NUP35: variants seen among roughly 807,000 people sequenced by gnomAD.
The protein encoded by NUP35 is nucleoporin 35.
Under a neutral mutation model 41.5 loss-of-function variants are expected in NUP35, and 25 were observed. That is an observed-to-expected ratio of 0.60 (90% CI 0.44 to 0.84). NUP35 has a LOEUF of 0.84. Among genes scored for constraint, NUP35 ranks in the 40% least tolerant of loss-of-function variants. The pLI, the probability that NUP35 is intolerant of heterozygous loss-of-function variation, is 0.00. For missense variants in NUP35, 396 were observed against 396.6 expected (o/e 1.00, Z 0.01); for synonymous variants, 149 against 130.7 (o/e 1.14, Z -0.96).
At chr2:183,124,396 G>C (rs1700115744), upstream of NUP35, 3 of 1,613,608 alleles carry the variant, frequency 1.9e-6, no homozygotes. Context: ...CGTGGGGAGC[G>C]TTTCCGCCAT....
At chr2:183,131,236 G>A (rs2105549855) in intron 3 of NUP35, 1 of 156,922 alleles carries the variant, frequency 6.4e-6, no homozygotes, top group African/African-American at 2.4e-5. Flanking sequence ...GTGAGCCACT[G>A]TGCCTGGCCG....
rs374648438 is a variant in NUP35 at position 183,128,330 on chromosome 2, A to G, written c.84A>G (p.Pro28=). The stretch of plus-strand genomic sequence containing the variant: ...TGGGTTCACCCACATCTCCAAAGCC[A>G]GGAGTTAATGCCCAGTTCTTACCTG... The part of the protein sequence containing the change: ...MMLGSPTSPK[P]GVNAQFLPGF... Residue 28 remains proline (P), a synonymous_variant, in exon 2 of 9, where the codon CCA becomes CCG. Transcript: ENST00000295119. 2.3e-5 allele frequency: 37 copies of G among 1,613,818 alleles called. No individual in the cohort carries two copies. The African/African-American group carries it at 4.8e-4, about 21-fold the overall frequency.
At chr2:183,155,200 A>C (rs1160560049) in intron 5 of NUP35, among the ~76,000 whole-genome samples, 1 of 152,234 alleles carries the variant, frequency 6.6e-6, no homozygotes, top group Non-Finnish European at 1.5e-5. Flanking sequence ...TTTGGGATTA[A>C]AAAACATAAA....
intron 1 of NUP35, among the ~76,000 whole-genome samples, chr2:183,119,437 C>A (rs985446039): frequency 6.6e-6 from 1 of 151,932 alleles, no homozygotes; most frequent in Non-Finnish European, 1.5e-5. Context: ...AGAGATAAGA[C>A]GAATCAGAGT....
chr2:183,134,546 G>A (rs75496122), intron 4 of NUP35, among the ~76,000 whole-genome samples: 5,314 of 151,856 alleles, frequency 0.035, 290 homozygotes, highest in African/African-American at 0.12. Flanking sequence ...GTTTGAAATG[G>A]GTCTTGGTGG....
intron 4 of NUP35, among the ~76,000 whole-genome samples, chr2:183,137,518 C>T (rs1684918765): frequency 6.6e-6 from 1 of 152,052 alleles, no homozygotes; most frequent in African/African-American, 2.4e-5. Flanking sequence ...CCTGGGAAGT[C>T]AAGGCTGTAG....
chr2:183,133,351 C>A (rs1330950818), intron 3 of NUP35, among the ~76,000 whole-genome samples: 2 of 145,572 alleles, frequency 1.4e-5, no homozygotes, highest in Non-Finnish European at 3.0e-5. Context: ...CATAATATGA[C>A]TTTTCTTATT....
At chr2:183,124,387 G>A (rs1045962501), upstream of NUP35, 3 of 1,613,558 alleles carry the variant, frequency 1.9e-6, no homozygotes, top group Non-Finnish European at 2.5e-6. Flanking sequence ...GCCGTTACCC[G>A]TGGGGAGCGT....
chr2:183,142,705 C>T (rs1685140736), intron 4 of NUP35, among the ~76,000 whole-genome samples: 1 of 151,886 alleles, frequency 6.6e-6, no homozygotes, highest in African/African-American at 2.4e-5. Context: ...GTCTTGAACT[C>T]CTGACCTCAA....
intron 4 of NUP35, among the ~76,000 whole-genome samples, chr2:183,134,875 C>T (rs368579293): frequency 3.3e-4 from 50 of 151,894 alleles, no homozygotes; most frequent in South Asian, 6.2e-4. Flanking sequence ...CTACCCACCT[C>T]GGCCTCCCAA....
chr2:183,128,786 A>G (rs917552388), intron 2 of NUP35, among the ~76,000 whole-genome samples: 9 of 151,536 alleles, frequency 5.9e-5, no homozygotes, highest in African/African-American at 9.7e-5. Context: ...ATTAATTAAA[A>G]AAAATTAAGC....
chr2:183,118,620 A>C (rs1409131298), intron 1 of NUP35: 2 of 152,220 alleles, frequency 1.3e-5, no homozygotes, highest in African/African-American at 2.4e-5. Context: ...ACAGCACCAA[A>C]ATATGTTGTC....
intron 4 of NUP35, among the ~76,000 whole-genome samples, chr2:183,139,165 A>G (rs1249291436): frequency 6.6e-6 from 1 of 152,002 alleles, no homozygotes. Context: ...GAGAGCCGCT[A>G]AAGTGTAAAA....
At chr2:183,140,113 TAAAAC>T (rs1337493935) in intron 4 of NUP35, among the ~76,000 whole-genome samples, 6 of 152,210 alleles carry the variant, frequency 3.9e-5, no homozygotes, top group Non-Finnish European at 2.9e-5. Context: ...ATTAATATCT[TAAAAC>T]AACACAAATT....
intron 1 of NUP35, 105 bp from the exon 2 acceptor site, chr2:183,128,182 T>C (rs1684565421): frequency 1.3e-6 from 1 of 762,864 alleles, no homozygotes; most frequent in Non-Finnish European, 1.9e-6. Context: ...CTAAAAGTTT[T>C]GATTAAATTT....
chr2:183,141,889 C>T (rs936298111), intron 4 of NUP35, among the ~76,000 whole-genome samples: 3 of 152,140 alleles, frequency 2.0e-5, no homozygotes, highest in Non-Finnish European at 4.4e-5. Flanking sequence ...GAAAGCATGC[C>T]TCCCTCTTTA....
intron 4 of NUP35, among the ~76,000 whole-genome samples, chr2:183,148,600 A>G (rs1254093536): frequency 6.6e-6 from 1 of 151,612 alleles, no homozygotes; most frequent in Non-Finnish European, 1.5e-5. Flanking sequence ...ATGTCTTTTG[A>G]AAAATGTCTA....
rs199676886 is a variant in NUP35, at chr2:183,139,212, C to CTT, written c.397+5602_397+5603dup. On this transcript the variant is annotated intron_variant, in intron 4 of 8. Transcript: ENST00000295119. The stretch of plus-strand genomic sequence containing the variant: ...ATTATGGTTTTGCATTTCTTTCTTT[C>CTT]TTTTTTTTTTTTTTGAGAAAAGATC... Among the ~76,000 whole-genome samples the CTT allele has an allele frequency of 2.3e-4, 15 of 65,666 alleles. No homozygotes were observed. The East Asian group carries it at 2.3e-3, about 10-fold the overall frequency. The allele number at this position is 65,666 out of a possible 152,430, so 43.1% of individuals were successfully genotyped here.
At chr2:183,138,045 A>C (rs912428623) in intron 4 of NUP35, among the ~76,000 whole-genome samples, 1 of 151,832 alleles carries the variant, frequency 6.6e-6, no homozygotes, top group African/African-American at 2.4e-5. Context: ...TGAATTGGCC[A>C]CTGGGAGCCA....
Sources: gnomAD v4.1 joint callset for allele counts (sites outside exome capture counted in the v4.1 genomes callset) on GRCh38, gnomAD v4.1.1 for gene constraint, MANE v1.5 for transcripts, NCBI Gene and HGNC (gene_info 2026-07-23, HGNC 2026-07-21) for gene names.